Variants in ZNF618 observed in about 807,000 individuals in gnomAD.
ZNF618 encodes zinc finger protein 618.
A neutral mutation model predicts 103.0 loss-of-function variants in ZNF618; 34 were observed. That is an observed-to-expected ratio of 0.33 (90% CI 0.25 to 0.44). The LOEUF (loss-of-function observed/expected upper bound fraction) is 0.44, where lower values mean the gene tolerates loss of function less well. ZNF618 is among the 20% of genes least tolerant of loss of function. The pLI is 1.00. For synonymous variants in ZNF618, 551 were observed against 542.2 expected (o/e 1.02, Z -0.23); for missense variants, 1,059 against 1,295.4 (o/e 0.82, Z 2.80).
At position 114,018,915 on chromosome 9, in the gene ZNF618, T is replaced by C. The variant is rs553744755; in HGVS notation, c.844+2131T>C. Among the ~76,000 whole-genome samples, 37 of 152,296 alleles carry C rather than the reference T, an allele frequency of 2.4e-4. No individual in the cohort carries two copies. The South Asian group carries it at 7.5e-3, about 31-fold the overall frequency. On this transcript the variant is annotated intron_variant, in intron 10 of 14. Coordinates refer to ENST00000374126, the MANE Select transcript of ZNF618 (RefSeq NM_001318042.2). ...TATCCAAGGCTGTCCAAGAGATAGC[T>C]CCTGCAGTGGCCTCTGGTGTTAGAG... is the stretch of plus-strand genomic sequence containing the variant.
At chr9:113,902,929 T>A (rs1294234070) in intron 1 of ZNF618, among the ~76,000 whole-genome samples, 1 of 152,168 alleles carries the variant, frequency 6.6e-6, no homozygotes, top group East Asian at 1.9e-4. Flanking sequence ...CAAATAAAAC[T>A]GCAATGAACA....
intron 13 of ZNF618, among the ~76,000 whole-genome samples, chr9:114,039,356 T>TTTTTC (rs1564336262): frequency 9.0e-5 from 13 of 144,250 alleles, no homozygotes; most frequent in South Asian, 2.2e-4. Flanking sequence ...TTTTTTTTTT[T>TTTTTC]TTTCCTTTGA....
rs138178355 is a variant in ZNF618 at position 113,973,168 on chromosome 9, A to G, written c.77+4008A>G. 2.2e-3 allele frequency among the ~76,000 whole-genome samples: 330 copies of G among 152,282 alleles called. 4 individuals carry two copies. The highest frequency in any genetic ancestry group is 7.7e-3 in the African/African-American group (318 of 41,552). On this transcript the variant is annotated intron_variant, in intron 2 of 14. Coordinates refer to ENST00000374126, the MANE Select transcript of ZNF618 (RefSeq NM_001318042.2). ...CCAGGTGGGATTTAGATGGGTAGAC[A>G]CTTTGTAGAGCATTAGAGCTCATTT...
In ZNF618 at chr9:114,052,855, A is replaced by G. The variant is rs1244982678; in HGVS notation, c.*2688A>G. 6.6e-6 allele frequency: 1 copy of G among 152,228 alleles called. No homozygotes were observed. Among genetic ancestry groups the G allele is most frequent in the African/African-American group, 2.4e-5 (1 of 41,452 alleles). 9.4% of individuals were successfully genotyped at this position (152,228 alleles called of 1,614,324 possible). On this transcript the variant is annotated 3_prime_UTR_variant, in exon 15 of 15. Transcript: ENST00000374126. ...AGAGCACTCAGCATTCTTCTCTTTGAAGCATGGGATGTCTGTCCTCCAGGA... is the reference window on the plus strand; with the variant it reads ...AGAGCACTCAGCATTCTTCTCTTTGGAGCATGGGATGTCTGTCCTCCAGGA...
chr9:113,914,728 C>A (rs1831908422), intron 1 of ZNF618, among the ~76,000 whole-genome samples: 1 of 152,094 alleles, frequency 6.6e-6, no homozygotes, highest in Non-Finnish European at 1.5e-5. Flanking sequence ...ATAGAGAGGG[C>A]TGGGTAGGGG....
Position 114,047,163 on chromosome 9 carries a change from A to G in ZNF618, c.1247-730A>G, listed in dbSNP as rs903145213. ...TAACCATGCATCCAGGAGAATAGGC[A>G]TATACCAATTACTTATAACTGGATA... On this transcript the variant is annotated intron_variant, in intron 13 of 14. Coordinates refer to ENST00000374126, the MANE Select transcript of ZNF618 (RefSeq NM_001318042.2). Among the ~76,000 whole-genome samples the G allele has an allele frequency of 9.9e-5, 15 of 152,228 alleles. 1 individual carries two copies. The highest frequency in any genetic ancestry group is 2.9e-5 in the Non-Finnish European group (2 of 68,046).
intron 3 of ZNF618, among the ~76,000 whole-genome samples, chr9:113,996,930 A>T (rs1208952088): frequency 6.6e-6 from 1 of 152,216 alleles, no homozygotes; most frequent in Non-Finnish European, 1.5e-5. Context: ...CTTTGAGCCC[A>T]GTTCCTTGCC....
intron 1 of ZNF618, among the ~76,000 whole-genome samples, chr9:113,879,784 T>G (rs1828339442): frequency 6.8e-6 from 1 of 147,782 alleles, no homozygotes. Flanking sequence ...CTAAGGAGGT[T>G]TTTTTTTTTT....
In ZNF618 at chr9:113,983,712, C is replaced by G. The variant is rs1588232360; in HGVS notation, c.78-4609C>G. Among the ~76,000 whole-genome samples the G allele has an allele frequency of 2.6e-5, 4 of 152,300 alleles. No homozygotes were observed. In the South Asian group the frequency reaches 8.3e-4, roughly 32 times the overall value. ...AGGTGTTAAGGGCACTCCAGGTGAC[C>G]TGAGACTCTGGTGGTTCAGTGGAAA... On this transcript the variant is annotated intron_variant, in intron 2 of 14. Transcript: ENST00000374126.
intron 9 of ZNF618, among the ~76,000 whole-genome samples, chr9:114,009,441 A>T (rs932571719): frequency 2.0e-5 from 3 of 152,118 alleles, no homozygotes; most frequent in African/African-American, 7.2e-5. Context: ...AAGGGACTTG[A>T]TCCAATTTGC....
Position 114,051,066 on chromosome 9 carries a change from C to T in ZNF618, c.*899C>T, listed in dbSNP as rs1184882733. On this transcript the variant is annotated 3_prime_UTR_variant, in exon 15 of 15. Transcript: ENST00000374126. ...ACTCCCTAATAATTTCTCTCCCTAA[C>T]ATTTTAGCAATTTTTACCTTGTTTG... 3.9e-5 allele frequency: 6 copies of T among 152,640 alleles called. No individual in the cohort carries two copies. Among genetic ancestry groups the T allele is most frequent in the Non-Finnish European group, 1.5e-5 (1 of 68,028 alleles). 9.5% of individuals were successfully genotyped at this position (152,640 alleles called of 1,614,324 possible).
intron 1 of ZNF618, among the ~76,000 whole-genome samples, chr9:113,879,259 G>A (rs901880222): frequency 1.1e-4 from 16 of 151,904 alleles, no homozygotes; most frequent in African/African-American, 3.9e-4. Context: ...ATTGCAGCAC[G>A]TCCCTTTGTG....
At position 114,045,916 on chromosome 9, in the gene ZNF618, G is replaced by A. The variant is rs1208874376; in HGVS notation, c.1247-1977G>A. 3.9e-5 allele frequency among the ~76,000 whole-genome samples: 6 copies of A among 152,004 alleles called. No homozygotes were observed. In the East Asian group the frequency reaches 7.7e-4, roughly 20 times the overall value. The stretch of plus-strand genomic sequence containing the variant: ...AGGTCTTATTTGAGTTCTTTCAACA[G>A]TGTTTTTAGTTTTCAGTGTTTAATT... On this transcript the variant is annotated intron_variant, in intron 13 of 14. Transcript: ENST00000374126.
chr9:113,944,667 G>A (rs779905692), intron 1 of ZNF618, among the ~76,000 whole-genome samples: 4 of 152,028 alleles, frequency 2.6e-5, no homozygotes, highest in South Asian at 4.1e-4. Flanking sequence ...TCTGATATCC[G>A]TGTTAAAAAA....
At chr9:113,977,891 C>A (rs1294953722) in intron 2 of ZNF618, among the ~76,000 whole-genome samples, 3 of 152,154 alleles carry the variant, frequency 2.0e-5, no homozygotes, top group African/African-American at 4.8e-5. Context: ...AGGAAATTTA[C>A]TGTTAATATT....
intron 1 of ZNF618, among the ~76,000 whole-genome samples, chr9:113,888,316 G>A (rs1253864242): frequency 6.6e-6 from 1 of 152,330 alleles, no homozygotes; most frequent in South Asian, 2.1e-4. Context: ...GGCGTCTGGG[G>A]AAGCTGCTCT....
chr9:114,011,950 CAG>C (rs1842288999), intron 9 of ZNF618, among the ~76,000 whole-genome samples: 5 of 151,150 alleles, frequency 3.3e-5, no homozygotes, highest in Admixed American at 2.6e-4. Context: ...TCTGTTGAAA[CAG>C]AGTAAGTCTG....
chr9:113,951,403 G>GTGTGTGTATATATA (rs1835563608), intron 1 of ZNF618, among the ~76,000 whole-genome samples: 27 of 41,894 alleles, frequency 6.4e-4, no homozygotes, highest in African/African-American at 2.2e-3. Context: ...ATATATATAC[G>GTGTGTGTATATATA]TATATATACA....
chr9:113,918,927 T>C (rs925751562), intron 1 of ZNF618, among the ~76,000 whole-genome samples: 3 of 152,168 alleles, frequency 2.0e-5, no homozygotes, highest in Non-Finnish European at 4.4e-5. Flanking sequence ...AAATTTGGTG[T>C]GAATGAACGA....
Sources: allele counts gnomAD v4.1 joint callset (sites outside exome capture counted in the v4.1 genomes callset), GRCh38; gene constraint gnomAD v4.1.1; transcripts MANE v1.5; gene names NCBI Gene and HGNC (gene_info 2026-07-23, HGNC 2026-07-21).